CMKLR2: variants seen among roughly 807,000 people sequenced by gnomAD.
CMKLR2 encodes chemerin chemokine-like receptor 2, also known as chemerin-like receptor 2.
CMKLR2 carries 18 observed loss-of-function variants against 23.0 expected under a neutral mutation model. That is an observed-to-expected ratio of 0.78 (90% CI 0.54 to 1.16). CMKLR2 has a LOEUF of 1.16. CMKLR2 is among the 50% of genes most tolerant of loss of function. The probability of loss-of-function intolerance (pLI) is 0.00; values close to 1 mark genes in which losing one functional copy is unlikely to be tolerated. For missense variants in CMKLR2, 401 were observed against 412.7 expected (o/e 0.97, Z 0.25); for synonymous variants, 158 against 158.9 (o/e 0.99, Z 0.05).
At chr2:206,212,210 G>A in intron 1 of CMKLR2, among the ~76,000 whole-genome samples, 1 of 152,052 alleles carries the variant, frequency 6.6e-6, no homozygotes, top group East Asian at 1.9e-4. Flanking sequence ...ATGACAATTA[G>A]CAGTCAAGTA....
At chr2:206,198,210 A>C (rs982263271) in intron 1 of CMKLR2, among the ~76,000 whole-genome samples, 2 of 152,178 alleles carry the variant, frequency 1.3e-5, no homozygotes, top group African/African-American at 4.8e-5. Context: ...ATTTTGCCTC[A>C]ATTGCCTTAT....
chr2:206,212,183 A>T lies in CMKLR2; in HGVS notation c.-29+1124T>A, dbSNP rs13009413. ...TCTGGTTAACATGATCTGTTATTAA[A>T]TATTTATCTCAGGGACATGACAATT... On this transcript the variant is annotated intron_variant, in intron 1 of 1. Transcript: ENST00000621141. Among the ~76,000 whole-genome samples the T allele has an allele frequency of 3.4e-3, 513 of 152,302 alleles. 2 individuals are homozygous for T. The highest frequency in any genetic ancestry group is 0.011 in the South Asian group (54 of 4,816).
At chr2:206,183,263 C>G (rs1170151467) in intron 1 of CMKLR2, among the ~76,000 whole-genome samples, 2 of 152,164 alleles carry the variant, frequency 1.3e-5, no homozygotes, top group African/African-American at 4.8e-5. Context: ...ATCTCATTCC[C>G]CAAACAAAGA....
At chr2:206,198,895 G>T (rs188506916) in intron 1 of CMKLR2, among the ~76,000 whole-genome samples, 4 of 152,308 alleles carry the variant, frequency 2.6e-5, no homozygotes, top group Admixed American at 6.5e-5. Flanking sequence ...CCACCCTAAT[G>T]AGTCACAGTT....
chr2:206,177,263 A>G lies in CMKLR2; in HGVS notation c.-16T>C. On this transcript the variant is annotated 5_prime_UTR_variant, in exon 2 of 2. Coordinates refer to ENST00000621141, the MANE Select transcript of CMKLR2 (RefSeq NM_001389445.1). ...AATCTTCCATGACCTTGCTAAATGG[A>G]GAATGAAGAAATCTGTAGAAGCAAA... 6.8e-7 allele frequency: 1 copy of G among 1,475,566 alleles called. No individual in the cohort carries two copies. The allele number at this position is 1,475,566 out of a possible 1,614,324, so 91.4% of individuals were successfully genotyped here. A position where few individuals can be genotyped will look rare whatever the true frequency, so the allele number is the denominator to read the frequency against.
At chr2:206,207,154 T>TC (rs1335046618) in intron 1 of CMKLR2, among the ~76,000 whole-genome samples, 1 of 149,934 alleles carries the variant, frequency 6.7e-6, no homozygotes, top group Non-Finnish European at 1.5e-5. Flanking sequence ...TTATAATTTT[T>TC]TTTTTTTTTT....
chr2:206,176,483 A>G lies in CMKLR2; in HGVS notation c.765T>C (p.Phe255=), dbSNP rs759407550. 2.5e-6 allele frequency: 4 copies of G among 1,614,216 alleles called. No individual in the cohort carries two copies. The highest frequency in any genetic ancestry group is 1.6e-4 in the Middle Eastern group (1 of 6,062). Residue 255 remains phenylalanine (F), a synonymous_variant, in exon 2 of 2, where the codon TTT becomes TTC. Coordinates refer to ENST00000621141, the MANE Select transcript of CMKLR2 (RefSeq NM_001389445.1). ...GGTGATAAGGAGTCCAGCAAACCACAAAGGCCACAACCACAACCAGAATTG... is the reference window on the plus strand; with the variant it reads ...GGTGATAAGGAGTCCAGCAAACCACGAAGGCCACAACCACAACCAGAATTG... ...FWTILVVVVA[F]VVCWTPYHLF... is the part of the protein sequence containing the mutation.
chr2:206,203,068 G>T (rs1195558005), intron 1 of CMKLR2, among the ~76,000 whole-genome samples: 1 of 151,326 alleles, frequency 6.6e-6, no homozygotes, highest in Admixed American at 6.6e-5. Flanking sequence ...TGTAATCCCA[G>T]CATTTGGGAG....
At chr2:206,191,276 A>C (rs1386629779) in intron 1 of CMKLR2, among the ~76,000 whole-genome samples, 1 of 152,198 alleles carries the variant, frequency 6.6e-6, no homozygotes, top group Non-Finnish European at 1.5e-5. Context: ...GAAATCCTTA[A>C]AAAGTGGTTA....
chr2:206,177,297 G>A, intron 1 of CMKLR2, 22 bp from the exon 2 acceptor site: 2 of 1,164,864 alleles, frequency 1.7e-6, no homozygotes, highest in Non-Finnish European at 1.2e-6. Flanking sequence ...AATTTAAAAA[G>A]AAAGAAAAAA....
chr2:206,211,992 C>G (rs190464201), intron 1 of CMKLR2, among the ~76,000 whole-genome samples: 1 of 152,192 alleles, frequency 6.6e-6, no homozygotes, highest in Non-Finnish European at 1.5e-5. Flanking sequence ...GCTAATCTTT[C>G]TTCTGTCAAT....
At chr2:206,179,234 C>G (rs1365341502) in intron 1 of CMKLR2, among the ~76,000 whole-genome samples, 1 of 149,084 alleles carries the variant, frequency 6.7e-6, no homozygotes, top group East Asian at 2.0e-4. Context: ...GCCACTACGC[C>G]CAGCTAATTT....
At chr2:206,190,612 A>G (rs1688720242) in intron 1 of CMKLR2, among the ~76,000 whole-genome samples, 1 of 152,246 alleles carries the variant, frequency 6.6e-6, no homozygotes, top group Non-Finnish European at 1.5e-5. Context: ...TCTTCACAAT[A>G]ACGTTTTTCT....
chr2:206,184,863 G>A (rs910470648), intron 1 of CMKLR2, among the ~76,000 whole-genome samples: 1 of 151,240 alleles, frequency 6.6e-6, no homozygotes, highest in Non-Finnish European at 1.5e-5. Flanking sequence ...ATATTTACCA[G>A]GCAGGGATAG....
chr2:206,199,322 C>T (rs1327508184), intron 1 of CMKLR2, among the ~76,000 whole-genome samples: 2 of 152,162 alleles, frequency 1.3e-5, no homozygotes, highest in Non-Finnish European at 2.9e-5. Flanking sequence ...ATTGCTTGAG[C>T]CTCGGAGGTG....
At chr2:206,199,594 T>C (rs974643851) in intron 1 of CMKLR2, among the ~76,000 whole-genome samples, 6 of 119,528 alleles carry the variant, frequency 5.0e-5, no homozygotes, top group African/African-American at 2.1e-4. Flanking sequence ...TATTACGGCA[T>C]TTTTTTTTTT....
At chr2:206,182,329 C>A (rs778562023) in intron 1 of CMKLR2, among the ~76,000 whole-genome samples, 18 of 152,174 alleles carry the variant, frequency 1.2e-4, no homozygotes, top group Non-Finnish European at 2.5e-4. Context: ...AGCTCTTAAC[C>A]ACTACAGCAT....
chr2:206,196,380 A>T (rs1180360631), intron 1 of CMKLR2, among the ~76,000 whole-genome samples: 4 of 147,188 alleles, frequency 2.7e-5, no homozygotes, highest in Admixed American at 1.4e-4. Flanking sequence ...TCAAAAAAAT[A>T]AATAAAAATA....
intron 1 of CMKLR2, among the ~76,000 whole-genome samples, chr2:206,196,264 A>G (rs1248230247): frequency 6.6e-6 from 1 of 151,964 alleles, no homozygotes; most frequent in Non-Finnish European, 1.5e-5. Context: ...AATCCGAGCT[A>G]CTTGGAGGTC....
Sources: gnomAD v4.1 joint callset for allele counts (sites outside exome capture counted in the v4.1 genomes callset) on GRCh38, gnomAD v4.1.1 for gene constraint, MANE v1.5 for transcripts, NCBI Gene and HGNC (gene_info 2026-07-23, HGNC 2026-07-21) for gene names.